The following SNTG1 variants were observed in gnomAD, a reference collection of about 807,000 sequenced individuals.
SNTG1 encodes gamma-1-syntrophin.
A neutral mutation model predicts 74.7 loss-of-function variants in SNTG1; 39 were observed. That is an observed-to-expected ratio of 0.52 (90% CI 0.40 to 0.68). SNTG1 has a LOEUF of 0.68. SNTG1 is among the 30% of genes least tolerant of loss of function. SNTG1 has a pLI of 0.00. For synonymous variants in SNTG1, 254 were observed against 217.1 expected, an observed-to-expected ratio of 1.17 and a Z score of -1.49; for missense variants, 685 against 609.5, an observed-to-expected ratio of 1.12 and a Z score of -1.30.
chr8:49,981,744 T>C (rs1812697329), intron 1 of SNTG1, among the ~76,000 whole-genome samples: 1 of 152,206 alleles, frequency 6.6e-6, no homozygotes, highest in South Asian at 2.1e-4. Flanking sequence ...TATGAAATAT[T>C]TTCCTGTTCC....
chr8:50,525,277 C>A (rs991179265), intron 9 of SNTG1, among the ~76,000 whole-genome samples: 3 of 152,068 alleles, frequency 2.0e-5, no homozygotes, highest in African/African-American at 4.8e-5. Flanking sequence ...TGCAAAATTG[C>A]ATTTTTTTCT....
intron 2 of SNTG1, among the ~76,000 whole-genome samples, chr8:50,212,959 AAAC>A: frequency 6.6e-6 from 1 of 152,306 alleles, no homozygotes; most frequent in South Asian, 2.1e-4. Flanking sequence ...ATGCGATGGC[AAAC>A]AGCATTTTAA....
chr8:50,177,211 G>C (rs1268303951), intron 2 of SNTG1, among the ~76,000 whole-genome samples: 2 of 152,182 alleles, frequency 1.3e-5, no homozygotes, highest in African/African-American at 2.4e-5. Context: ...AGAAACTCTG[G>C]AGCATGGCAG....
chr8:50,260,824 C>A (rs374114480), intron 2 of SNTG1, among the ~76,000 whole-genome samples: 1 of 150,694 alleles, frequency 6.6e-6, no homozygotes, highest in African/African-American at 2.4e-5. Context: ...TTTTGATGGG[C>A]TTATTAGGAG....
chr8:50,500,942 G>A (rs1050208915), intron 8 of SNTG1, among the ~76,000 whole-genome samples: 3 of 152,126 alleles, frequency 2.0e-5, no homozygotes, highest in African/African-American at 7.2e-5. Context: ...CTAGGATGGT[G>A]TCTCTAGGCA....
chr8:49,930,387 A>G (rs1807461023), intron 1 of SNTG1, among the ~76,000 whole-genome samples: 1 of 152,098 alleles, frequency 6.6e-6, no homozygotes, highest in African/African-American at 2.4e-5. Flanking sequence ...TAACCTCAAT[A>G]TATAGATTTT....
chr8:50,030,704 A>G (rs989164981), intron 1 of SNTG1, among the ~76,000 whole-genome samples: 1 of 151,882 alleles, frequency 6.6e-6, no homozygotes, highest in African/African-American at 2.4e-5. Flanking sequence ...TCATTGATCT[A>G]TTGTCAATGC....
intron 1 of SNTG1, among the ~76,000 whole-genome samples, chr8:50,074,048 CAGTT>C (rs1420963825): frequency 6.6e-6 from 1 of 151,552 alleles, no homozygotes. Context: ...ACAATAGAGT[CAGTT>C]AGAGACTACT....
intron 13 of SNTG1, among the ~76,000 whole-genome samples, chr8:50,630,768 A>G (rs748927217): frequency 1.3e-5 from 2 of 152,178 alleles, no homozygotes; most frequent in South Asian, 4.1e-4. Context: ...AATTTTCTTT[A>G]TTTATGTGCA....
At chr8:50,504,227 T>C (rs2093987708) in intron 9 of SNTG1, among the ~76,000 whole-genome samples, 1 of 152,168 alleles carries the variant, frequency 6.6e-6, no homozygotes. Context: ...TACAACATTT[T>C]TGTTATCCAG....
At chr8:50,053,173 G>A (rs1819723639) in intron 1 of SNTG1, among the ~76,000 whole-genome samples, 1 of 152,114 alleles carries the variant, frequency 6.6e-6, no homozygotes, top group Non-Finnish European at 1.5e-5. Flanking sequence ...AAGTGGAAAT[G>A]ATCCAAATGA....
intron 2 of SNTG1, among the ~76,000 whole-genome samples, chr8:50,335,675 C>G (rs1236639922): frequency 6.6e-6 from 1 of 152,036 alleles, no homozygotes; most frequent in African/African-American, 2.4e-5. Flanking sequence ...TTAAGGGCTC[C>G]TGTGATTAGA....
chr8:50,062,080 G>C (rs1449645164), intron 1 of SNTG1, among the ~76,000 whole-genome samples: 2 of 152,104 alleles, frequency 1.3e-5, no homozygotes, highest in African/African-American at 2.4e-5. Context: ...GTCTCGTTCT[G>C]TTACCCAGAC....
At chr8:50,779,488 T>G (rs535041478) in intron 18 of SNTG1, among the ~76,000 whole-genome samples, 75 of 152,136 alleles carry the variant, frequency 4.9e-4, no homozygotes, top group African/African-American at 1.5e-3. Flanking sequence ...GTTCACTCAT[T>G]ATTTGGCTCT....
At chr8:50,443,085 A>G (rs2093373525) in intron 5 of SNTG1, among the ~76,000 whole-genome samples, 1 of 152,182 alleles carries the variant, frequency 6.6e-6, no homozygotes, top group East Asian at 1.9e-4. Context: ...AGAAATCACC[A>G]AATTTCTGCA....
chr8:50,494,681 C>T (rs2093888313), intron 8 of SNTG1, among the ~76,000 whole-genome samples: 2 of 152,044 alleles, frequency 1.3e-5, no homozygotes, highest in Admixed American at 1.3e-4. Context: ...AATAGTGTTT[C>T]CATAGCCACG....
intron 1 of SNTG1, among the ~76,000 whole-genome samples, chr8:49,996,772 C>T (rs750255995): frequency 4.6e-5 from 7 of 152,136 alleles, no homozygotes; most frequent in African/African-American, 9.6e-5. Flanking sequence ...TTTAACATCC[C>T]GGACCTTCAT....
rs184435427 is a variant in SNTG1, at chr8:50,114,205, A to G, written c.-102-58356A>G. Among the ~76,000 whole-genome samples the G allele has an allele frequency of 4.6e-3, 707 of 152,282 alleles. 5 individuals are homozygous for G. Among genetic ancestry groups the G allele is most frequent in the African/African-American group, 0.016 (665 of 41,588 alleles). On this transcript the variant is annotated intron_variant, in intron 1 of 18. Transcript: ENST00000642720. ...AAAATCAAAGGTGCAACTAAAAAGC[A>G]GTTGGAATTATTTTAGACAATTTGA... is the stretch of plus-strand genomic sequence containing the variant.
intron 18 of SNTG1, among the ~76,000 whole-genome samples, chr8:50,760,819 C>T (rs572656598): frequency 2.0e-5 from 3 of 151,940 alleles, no homozygotes; most frequent in Admixed American, 1.3e-4. Context: ...CAAGTCTAAA[C>T]GAGGAAGAAG....
Sources: allele counts gnomAD v4.1 joint callset (sites outside exome capture counted in the v4.1 genomes callset), GRCh38; gene constraint gnomAD v4.1.1; transcripts MANE v1.5; gene names NCBI Gene and HGNC (gene_info 2026-07-23, HGNC 2026-07-21).